Variants in ZDHHC14 observed in about 807,000 individuals in gnomAD.
ZDHHC14 encodes palmitoyltransferase ZDHHC14.
In ZDHHC14, 16 loss-of-function variants were observed where a neutral mutation model predicts 47.7. The ratio of observed to expected loss-of-function variants is 0.34; its 90% CI spans 0.23 to 0.51. The LOEUF (loss-of-function observed/expected upper bound fraction) is 0.51, where lower values mean the gene tolerates loss of function less well. Among genes scored for constraint, ZDHHC14 ranks in the 20% least tolerant of loss-of-function variants. The pLI, the probability that ZDHHC14 is intolerant of heterozygous loss-of-function variation, is 0.97. For synonymous variants in ZDHHC14, 293 were observed against 278.9 expected (o/e 1.05, Z -0.50); for missense variants, 515 against 662.5 (o/e 0.78, Z 2.44).
intron 3 of ZDHHC14, among the ~76,000 whole-genome samples, chr6:157,623,539 CT>C (rs1194920593): frequency 0.029 from 3,699 of 126,180 alleles, 61 homozygotes; most frequent in African/African-American, 0.097. Context: ...ACTCATACAT[CT>C]TTTTTTTTTT....
At chr6:157,397,686 G>A (rs1313816630) in intron 1 of ZDHHC14, among the ~76,000 whole-genome samples, 1 of 152,156 alleles carries the variant, frequency 6.6e-6, no homozygotes, top group Non-Finnish European at 1.5e-5. Flanking sequence ...CAGGTTCTGG[G>A]GATTAGGATG....
chr6:157,445,085 G>A (rs1237250820), intron 1 of ZDHHC14, among the ~76,000 whole-genome samples: 1 of 147,794 alleles, frequency 6.8e-6, no homozygotes, highest in Non-Finnish European at 1.5e-5. Flanking sequence ...TCTGGCATGG[G>A]TCTTAGCACT....
At chr6:157,592,721 A>T in intron 2 of ZDHHC14, 2 of 1,212,236 alleles carry the variant, frequency 1.6e-6, no homozygotes, top group Non-Finnish European at 1.0e-6. Context: ...GGGGCTCCAC[A>T]GGGAGGGCCT....
At chr6:157,540,910 G>GTGTGTGTGTGTGTGTGTGTGTGTA (rs1284429244) in intron 1 of ZDHHC14, among the ~76,000 whole-genome samples, 1 of 122,992 alleles carries the variant, frequency 8.1e-6, no homozygotes, top group African/African-American at 4.3e-5. Context: ...GTGTGTGTGT[G>GTGTGTGTGTGTGTGTGTGTGTGTA]TATATATATA....
intron 1 of ZDHHC14, among the ~76,000 whole-genome samples, chr6:157,474,096 C>T (rs1405887812): frequency 2.0e-5 from 3 of 150,654 alleles, no homozygotes; most frequent in African/African-American, 7.3e-5. Flanking sequence ...TCAAGCAATT[C>T]TCCTGCTTCA....
intron 2 of ZDHHC14, among the ~76,000 whole-genome samples, chr6:157,574,210 G>A (rs1398542204): frequency 2.0e-5 from 3 of 151,066 alleles, no homozygotes; most frequent in African/African-American, 4.9e-5. Context: ...ATCACTTGAG[G>A]TCAGGAGTTT....
At chr6:157,472,453 C>T (rs545503062) in intron 1 of ZDHHC14, among the ~76,000 whole-genome samples, 1 of 152,226 alleles carries the variant, frequency 6.6e-6, no homozygotes, top group South Asian at 2.1e-4. Context: ...GTTTCGACTT[C>T]AGACTATGCT....
At chr6:157,561,167 A>G (rs916877830) in intron 2 of ZDHHC14, among the ~76,000 whole-genome samples, 3 of 152,196 alleles carry the variant, frequency 2.0e-5, no homozygotes, top group African/African-American at 7.2e-5. Context: ...GCTTCTTGCA[A>G]CTACACCTGA....
At chr6:157,497,731 T>A (rs9457610) in intron 1 of ZDHHC14, among the ~76,000 whole-genome samples, 7,068 of 152,304 alleles carry the variant, frequency 0.046, 440 homozygotes, top group Admixed American at 0.16. Context: ...GAATTAGTTC[T>A]GGCTTTCAAC....
chr6:157,486,961 C>T (rs753977108), intron 1 of ZDHHC14, among the ~76,000 whole-genome samples: 1 of 152,210 alleles, frequency 6.6e-6, no homozygotes, highest in Non-Finnish European at 1.5e-5. Flanking sequence ...GGCCTGAGCC[C>T]AGCTACAGCA....
At chr6:157,601,748 G>A (rs536220998) in intron 3 of ZDHHC14, among the ~76,000 whole-genome samples, 4 of 152,234 alleles carry the variant, frequency 2.6e-5, no homozygotes, top group African/African-American at 9.6e-5. Context: ...TACAGAAAGT[G>A]ACTTCAGGGC....
intron 1 of ZDHHC14, among the ~76,000 whole-genome samples, chr6:157,504,323 T>C (rs1780263030): frequency 7.8e-6 from 1 of 128,986 alleles, no homozygotes; most frequent in Admixed American, 7.4e-5. Context: ...GGCTAATTTT[T>C]TGTATTTTTT....
intron 8 of ZDHHC14, among the ~76,000 whole-genome samples, chr6:157,654,528 G>A (rs535418945): frequency 4.6e-5 from 7 of 152,192 alleles, no homozygotes; most frequent in East Asian, 3.9e-4. Context: ...TAGACTGGAC[G>A]TGGGCAGCAG....
chr6:157,559,570 G>A (rs1257660275), intron 2 of ZDHHC14, among the ~76,000 whole-genome samples: 1 of 152,198 alleles, frequency 6.6e-6, no homozygotes, highest in Non-Finnish European at 1.5e-5. Context: ...CCATCTTGAA[G>A]GGCATCTTCC....
chr6:157,518,694 A>G (rs1780793923), intron 1 of ZDHHC14, among the ~76,000 whole-genome samples: 1 of 125,068 alleles, frequency 8.0e-6, no homozygotes, highest in Admixed American at 1.0e-4. Flanking sequence ...CAGTTGTTTC[A>G]CGTGAGCCTG....
In ZDHHC14 at chr6:157,512,140, C is replaced by G. The variant is rs111644228; in HGVS notation, c.246-30445C>G. 9.8e-3 allele frequency among the ~76,000 whole-genome samples: 1,496 copies of G among 152,280 alleles called. 13 individuals carry two copies. Among genetic ancestry groups the G allele is most frequent in the Middle Eastern group, 0.024 (7 of 294 alleles). ...CTCCTGCGGTAGGTCCAATTATTAT[C>G]CTCATGTTCGAGTGAAGGAAACTCA... On this transcript the variant is annotated intron_variant, in intron 1 of 8. Coordinates refer to ENST00000359775, the MANE Select transcript of ZDHHC14 (RefSeq NM_024630.3).
intron 2 of ZDHHC14, among the ~76,000 whole-genome samples, chr6:157,551,901 C>A (rs781618448): frequency 1.2e-4 from 19 of 152,156 alleles, no homozygotes; most frequent in Non-Finnish European, 5.9e-5. Context: ...CTTCTTGGGG[C>A]CTTAGTTTCA....
At chr6:157,602,552 C>T (rs994886755) in intron 3 of ZDHHC14, among the ~76,000 whole-genome samples, 5 of 150,986 alleles carry the variant, frequency 3.3e-5, no homozygotes, top group East Asian at 3.9e-4. Context: ...TCTGGGAGAG[C>T]GCAGATTCCC....
Position 157,466,066 on chromosome 6 carries a change from G to A in ZDHHC14, c.246-76519G>A, listed in dbSNP as rs534933265. ...CAAAGAAAAAAAAAAGAGAGAGAGA[G>A]ATATGGGAAGATAGGCATCTCGCAG... On this transcript the variant is annotated intron_variant, in intron 1 of 8. Transcript: ENST00000359775. Among the ~76,000 whole-genome samples, 10 of 152,104 alleles carry A rather than the reference G, an allele frequency of 6.6e-5. No homozygotes were observed. In the South Asian group the frequency reaches 1.9e-3, roughly 28 times the overall value.
Sources: allele counts gnomAD v4.1 joint callset (sites outside exome capture counted in the v4.1 genomes callset), GRCh38; gene constraint gnomAD v4.1.1; transcripts MANE v1.5; gene names NCBI Gene and HGNC (gene_info 2026-07-23, HGNC 2026-07-21).